Variants in FSTL5 observed in about 807,000 individuals in gnomAD.
FSTL5 encodes follistatin like 5.
Under a neutral mutation model 89.1 loss-of-function variants are expected in FSTL5, and 62 were observed. The ratio of observed to expected loss-of-function variants is 0.70; its 90% CI spans 0.57 to 0.86. FSTL5 has a LOEUF of 0.86. Among genes scored for constraint, FSTL5 ranks in the 40% least tolerant of loss-of-function variants. The pLI, the probability that FSTL5 is intolerant of heterozygous loss-of-function variation, is 0.00. For synonymous variants in FSTL5, 383 were observed against 346.2 expected, an observed-to-expected ratio of 1.11 and a Z score of -1.18; for missense variants, 1,057 against 1,001.6, an observed-to-expected ratio of 1.06 and a Z score of -0.75.
chr4:162,054,085 T>A (rs1251357707), intron 2 of FSTL5, among the ~76,000 whole-genome samples: 3 of 151,834 alleles, frequency 2.0e-5, no homozygotes, highest in Non-Finnish European at 4.4e-5. Flanking sequence ...TACACACATT[T>A]GAGCACAATA....
intron 1 of FSTL5, among the ~76,000 whole-genome samples, chr4:162,140,287 C>G (rs943604442): frequency 6.6e-6 from 1 of 152,218 alleles, no homozygotes; most frequent in South Asian, 2.1e-4. Context: ...CTAGAAAATT[C>G]TCACATGTGT....
chr4:162,045,210 C>T (rs998831602), intron 2 of FSTL5, among the ~76,000 whole-genome samples: 1 of 152,056 alleles, frequency 6.6e-6, no homozygotes, highest in East Asian at 1.9e-4. Flanking sequence ...CACTTGAACA[C>T]TTAGAGGCCA....
intron 6 of FSTL5, among the ~76,000 whole-genome samples, chr4:161,720,493 A>T (rs1739160049): frequency 6.6e-6 from 1 of 152,186 alleles, no homozygotes; most frequent in African/African-American, 2.4e-5. Flanking sequence ...TACATGATCT[A>T]GCAATCCCAC....
chr4:161,461,833 A>C (rs1733594835), intron 13 of FSTL5, among the ~76,000 whole-genome samples: 2 of 152,192 alleles, frequency 1.3e-5, no homozygotes, highest in African/African-American at 4.8e-5. Flanking sequence ...TCTATGTGTG[A>C]ATGTAATAGC....
At chr4:162,079,167 C>A (rs1729986651) in intron 2 of FSTL5, among the ~76,000 whole-genome samples, 1 of 151,704 alleles carries the variant, frequency 6.6e-6, no homozygotes, top group South Asian at 2.1e-4. Context: ...GTTTACATAA[C>A]AAGTGTAGGT....
At chr4:162,085,032 G>T (rs776784446) in intron 2 of FSTL5, among the ~76,000 whole-genome samples, 2 of 151,874 alleles carry the variant, frequency 1.3e-5, no homozygotes, top group Non-Finnish European at 2.9e-5. Flanking sequence ...CCAGTATAGG[G>T]ACGGGAAAAA....
At chr4:161,855,413 T>A (rs1420084854) in intron 4 of FSTL5, among the ~76,000 whole-genome samples, 1 of 152,098 alleles carries the variant, frequency 6.6e-6, no homozygotes. Context: ...TTTATTTCAA[T>A]ATAATGTCAG....
At chr4:161,910,900 C>T (rs1733671739) in intron 4 of FSTL5, among the ~76,000 whole-genome samples, 1 of 152,062 alleles carries the variant, frequency 6.6e-6, no homozygotes, top group Non-Finnish European at 1.5e-5. Flanking sequence ...ATTCTGAACT[C>T]AAATATAAAT....
rs944777289 is a variant in FSTL5 at position 162,096,426 on chromosome 4, T to A, written c.126+14845A>T. Among the ~76,000 whole-genome samples the A allele has an allele frequency of 2.0e-5, 3 of 151,594 alleles. No homozygotes were observed. The South Asian group carries it at 6.2e-4, about 31-fold the overall frequency. On this transcript the variant is annotated intron_variant, in intron 2 of 15. Transcript: ENST00000306100. ...TATTACTTATATATTGTAATAGATA[T>A]ATAATCAGAAATGCTTTAAGTGAAA...
intron 2 of FSTL5, among the ~76,000 whole-genome samples, chr4:162,094,042 T>C (rs1412090150): frequency 6.6e-6 from 1 of 152,192 alleles, no homozygotes; most frequent in East Asian, 1.9e-4. Flanking sequence ...CATTTTGATA[T>C]ATTTTATAAA....
rs397996028 is a variant in FSTL5, at chr4:162,026,304, C to CTTTTTTTTTTTTTTTTTTTT, written c.160+7320_160+7321insAAAAAAAAAAAAAAAAAAAA. On this transcript the variant is annotated intron_variant, in intron 3 of 15. Transcript: ENST00000306100. The stretch of plus-strand genomic sequence containing the variant: ...TTTCAGGAGACAGCTTATGTATTTT[C>CTTTTTTTTTTTTTTTTTTTT]TTTTTTTTTTTTTTTCTTTTTGAGA... Among the ~76,000 whole-genome samples, 62 of 79,478 alleles carry CTTTTTTTTTTTTTTTTTTTT rather than the reference C, an allele frequency of 7.8e-4. 13 individuals are homozygous for CTTTTTTTTTTTTTTTTTTTT. The highest frequency in any genetic ancestry group is 1.3e-3 in the East Asian group (3 of 2,362). 52.1% of individuals were successfully genotyped at this position (79,478 alleles called of 152,430 possible). A position where few individuals can be genotyped will look rare whatever the true frequency, so the allele number is the denominator to read the frequency against.
intron 6 of FSTL5, among the ~76,000 whole-genome samples, chr4:161,704,841 C>T (rs1579035255): frequency 6.6e-6 from 1 of 152,094 alleles, no homozygotes; most frequent in Non-Finnish European, 1.5e-5. Context: ...AGACCATCTT[C>T]TTTCTCATTA....
At chr4:162,125,696 T>G (rs977532793) in intron 1 of FSTL5, among the ~76,000 whole-genome samples, 3 of 152,102 alleles carry the variant, frequency 2.0e-5, no homozygotes, top group African/African-American at 7.2e-5. Context: ...AATTCATATT[T>G]GATTTGCATT....
chr4:162,007,383 G>A (rs916249799), intron 3 of FSTL5, among the ~76,000 whole-genome samples: 2 of 151,680 alleles, frequency 1.3e-5, no homozygotes, highest in African/African-American at 2.4e-5. Context: ...ATTACAAGAT[G>A]TATAAGCATA....
chr4:161,805,793 T>C (rs542476232), intron 4 of FSTL5, among the ~76,000 whole-genome samples: 1 of 152,224 alleles, frequency 6.6e-6, no homozygotes, highest in South Asian at 2.1e-4. Context: ...ATTCCTACCA[T>C]TTACAGTATA....
chr4:162,036,309 T>A (rs561675994), intron 2 of FSTL5, among the ~76,000 whole-genome samples: 3 of 152,226 alleles, frequency 2.0e-5, no homozygotes, highest in Admixed American at 6.6e-5. Flanking sequence ...ATCTTTTTCA[T>A]CTTAGTTGTA....
chr4:162,047,882 T>G (rs1560990854), intron 2 of FSTL5, among the ~76,000 whole-genome samples: 2 of 152,046 alleles, frequency 1.3e-5, no homozygotes, highest in Admixed American at 6.6e-5. Flanking sequence ...GTTCGCCATA[T>G]AGTATGTCCT....
intron 8 of FSTL5, among the ~76,000 whole-genome samples, chr4:161,554,778 A>G (rs929205574): frequency 6.6e-6 from 1 of 151,708 alleles, no homozygotes; most frequent in African/African-American, 2.4e-5. Flanking sequence ...GGGTAAGAAT[A>G]TAAATGTCTC....
intron 7 of FSTL5, among the ~76,000 whole-genome samples, chr4:161,591,426 T>G (rs1310671227): frequency 6.6e-6 from 1 of 152,202 alleles, no homozygotes; most frequent in Non-Finnish European, 1.5e-5. Flanking sequence ...TAGAAAGCAC[T>G]GAATTGCACA....
Sources: gnomAD v4.1 joint callset for allele counts (sites outside exome capture counted in the v4.1 genomes callset) on GRCh38, gnomAD v4.1.1 for gene constraint, MANE v1.5 for transcripts, NCBI Gene and HGNC (gene_info 2026-07-23, HGNC 2026-07-21) for gene names.